The following CASK variants were observed in gnomAD, a reference collection of about 807,000 sequenced individuals.
CASK encodes the protein calcium/calmodulin dependent serine protein kinase.
Under a neutral mutation model 82.9 loss-of-function variants are expected in CASK, and 4 were observed. The ratio of observed to expected loss-of-function variants is 0.05; its 90% confidence interval spans 0.02 to 0.11. The LOEUF is 0.11. CASK is among the 10% of genes least tolerant of loss of function. The pLI is 1.00. For synonymous variants in CASK, 259 were observed against 253.5 expected, an observed-to-expected ratio of 1.02 and a Z score of -0.20; for missense variants, 358 against 720.9, an observed-to-expected ratio of 0.50 and a Z score of 5.76.
chrX:41,778,477 C>T (rs202215116), intron 3 of CASK, among the ~76,000 whole-genome samples: 4 of 110,635 alleles, frequency 3.6e-5, no homozygotes, highest in East Asian at 5.6e-4. Flanking sequence ...GTGATCCGCC[C>T]GCCTTGGCCT....
rs769558731 is a variant in CASK at position 41,727,628 on chromosome X, T to C, written c.429+11756A>G. 1.6e-5 allele frequency: 19 copies of C among 1,207,886 alleles called. No homozygotes were observed. Among genetic ancestry groups the C allele is most frequent in the South Asian group, 5.3e-5 (3 of 56,783 alleles). ...GAACTAGGAGCCATGATCTCTCAGA[T>C]TGCAGGTCTCATTGGAACCACATTT... is the stretch of plus-strand genomic sequence containing the variant. On this transcript the variant is annotated intron_variant, in intron 5 of 26. Coordinates refer to ENST00000378163, the MANE Select transcript of CASK (RefSeq NM_001367721.1).
At chrX:41,532,048 C>A (rs1472886668) in intron 24 of CASK, among the ~76,000 whole-genome samples, 1 of 111,733 alleles carries the variant, frequency 8.9e-6, no homozygotes, top group Non-Finnish European at 1.9e-5. Context: ...GATTCTTGTG[C>A]CCTCAGCCTC....
At chrX:41,557,399 C>A (rs2065172487) in intron 18 of CASK, among the ~76,000 whole-genome samples, 1 of 111,275 alleles carries the variant, frequency 9.0e-6, no homozygotes, top group South Asian at 3.8e-4. Flanking sequence ...ATATTAAAAC[C>A]CTATCAAGTA....
intron 2 of CASK, among the ~76,000 whole-genome samples, chrX:41,813,165 C>A (rs1288536451): frequency 9.0e-6 from 1 of 111,350 alleles, no homozygotes; most frequent in Non-Finnish European, 1.9e-5. Flanking sequence ...GGCCATACTG[C>A]CCAAGGTAAT....
chrX:41,725,006 C>A (rs1004116239), intron 5 of CASK, among the ~76,000 whole-genome samples: 2 of 111,702 alleles, frequency 1.8e-5, no homozygotes, highest in Admixed American at 1.9e-4. Flanking sequence ...GATTTTTGAA[C>A]TGGTGAAGTT....
intron 1 of CASK, among the ~76,000 whole-genome samples, chrX:41,880,686 T>C (rs1300750651): frequency 8.9e-6 from 1 of 111,922 alleles, no homozygotes. Flanking sequence ...AGCCAGGAGA[T>C]CCAAATGTAT....
At chrX:41,632,009 C>T (rs988208602) in intron 9 of CASK, among the ~76,000 whole-genome samples, 1 of 111,151 alleles carries the variant, frequency 9.0e-6, no homozygotes, top group Admixed American at 9.6e-5. Flanking sequence ...CAGCTCACTG[C>T]AGCCTTGACC....
At chrX:41,695,744 C>T in intron 5 of CASK, 1 of 1,209,437 alleles carries the variant, frequency 8.3e-7, no homozygotes, top group Non-Finnish European at 1.1e-6. Context: ...CACAAAACTT[C>T]TCAGCAACAC....
intron 3 of CASK, among the ~76,000 whole-genome samples, chrX:41,757,085 T>C (rs2068909447): frequency 8.9e-6 from 1 of 112,364 alleles, no homozygotes; most frequent in Non-Finnish European, 1.9e-5. Flanking sequence ...TATGTCCCCA[T>C]CTTTCCAGAT....
intron 5 of CASK, among the ~76,000 whole-genome samples, chrX:41,725,782 A>C (rs1008247527): frequency 8.9e-6 from 1 of 112,659 alleles, no homozygotes; most frequent in South Asian, 3.7e-4. Flanking sequence ...TTTAAAAAAA[A>C]TCCTCTGAAA....
intron 25 of CASK, chrX:41,524,465 T>A (rs1165911449): frequency 6.0e-6 from 1 of 166,630 alleles, no homozygotes; most frequent in Non-Finnish European, 1.1e-5. Context: ...TTCAAATTGC[T>A]AGCCAAGGAT....
chrX:41,567,192 A>T (rs914269190), intron 16 of CASK, among the ~76,000 whole-genome samples: 1 of 112,200 alleles, frequency 8.9e-6, no homozygotes, highest in Non-Finnish European at 1.9e-5. Flanking sequence ...GGACTTCATG[A>T]CTAAAACACC....
At chrX:41,755,460 G>A (rs1410917504) in intron 3 of CASK, among the ~76,000 whole-genome samples, 1 of 111,720 alleles carries the variant, frequency 9.0e-6, no homozygotes, top group Non-Finnish European at 1.9e-5. Context: ...ATATAATTGT[G>A]TACACTGATA....
chrX:41,710,645 T>C (rs776122437), intron 5 of CASK, among the ~76,000 whole-genome samples: 2 of 112,116 alleles, frequency 1.8e-5, no homozygotes, highest in Non-Finnish European at 3.8e-5. Context: ...AACTCCAGAA[T>C]GATGTCTTTT....
chrX:41,530,505 T>C (rs929744336), intron 25 of CASK, among the ~76,000 whole-genome samples: 4 of 112,181 alleles, frequency 3.6e-5, no homozygotes, highest in Non-Finnish European at 7.5e-5. Context: ...CCATCCCTGC[T>C]GTCTCTGACA....
At chrX:41,599,146 ACT>A (rs754697746) in intron 12 of CASK, among the ~76,000 whole-genome samples, 15 of 111,654 alleles carry the variant, frequency 1.3e-4, no homozygotes, top group Non-Finnish European at 2.4e-4. Context: ...GTACTACATA[ACT>A]CAAGTTGAAG....
chrX:41,568,352 A>C (rs1035804478), intron 16 of CASK, among the ~76,000 whole-genome samples: 5 of 111,095 alleles, frequency 4.5e-5, no homozygotes, highest in Non-Finnish European at 9.4e-5. Flanking sequence ...TCTAAAACCA[A>C]ATATCCTCCT....
At chrX:41,880,823 A>G (rs1250286076) in intron 1 of CASK, among the ~76,000 whole-genome samples, 3 of 111,848 alleles carry the variant, frequency 2.7e-5, no homozygotes, top group African/African-American at 9.7e-5. Flanking sequence ...CACTTTATTT[A>G]ACAATGCTAA....
chrX:41,776,029 G>A (rs935452753), intron 3 of CASK, among the ~76,000 whole-genome samples: 2 of 109,545 alleles, frequency 1.8e-5, no homozygotes, highest in African/African-American at 6.6e-5. Flanking sequence ...AAAACTTAAG[G>A]TATAATAATA....
Sources: gnomAD v4.1 joint callset for allele counts (sites outside exome capture counted in the v4.1 genomes callset) on GRCh38, gnomAD v4.1.1 for gene constraint, MANE v1.5 for transcripts, NCBI Gene and HGNC (gene_info 2026-07-23, HGNC 2026-07-21) for gene names.